SYT4: variants seen among roughly 807,000 people sequenced by gnomAD.
The protein encoded by SYT4 is synaptotagmin-4.
A neutral mutation model predicts 32.9 loss-of-function variants in SYT4; 7 were observed. The ratio of observed to expected loss-of-function variants is 0.21; its 90% CI spans 0.12 to 0.40. The LOEUF is 0.40. Among genes scored for constraint, SYT4 ranks in the 10% least tolerant of loss-of-function variants. The probability of loss-of-function intolerance (pLI) is 1.00; values close to 1 mark genes in which losing one functional copy is unlikely to be tolerated. For synonymous variants in SYT4, 205 were observed against 186.2 expected, an observed-to-expected ratio of 1.10 and a Z score of -0.82; for missense variants, 480 against 488.0, an observed-to-expected ratio of 0.98 and a Z score of 0.16.
rs1008007587 is a variant in SYT4, at chr18:43,270,609, C to G, written c.1010G>C (p.Arg337Thr). Reference sequence around the variant, plus strand: ...CACATGAGTCTTCTTCTTGGAGATTCTCTTTTTGGCATGGTACAGGTTCAC... The same window carrying G: ...CACATGAGTCTTCTTCTTGGAGATTGTCTTTTTGGCATGGTACAGGTTCAC... ...VKVNLYHAKKRISKKKTHVKK... is the reference protein window; with the variant it reads ...VKVNLYHAKKTISKKKTHVKK... Residue 337 changes from arginine to threonine, a missense_variant, in exon 4 of 4, where the codon AGA becomes ACA. Transcript: ENST00000255224. 13 of 1,613,992 alleles carry G rather than the reference C, an allele frequency of 8.1e-6. No individual in the cohort carries two copies. The highest frequency in any genetic ancestry group is 1.1e-5 in the Non-Finnish European group (13 of 1,179,942).
Position 43,270,378 on chromosome 18 carries a change from C to T in SYT4, c.1241G>A (p.Arg414Lys). ...GAGCACGTGCCACTTGGCAATTTGT[C>T]TCCTGGGGTAGTCACAGATCTCTTT... The part of the protein sequence containing the change: ...HWKEICDYPR[R>K]QIAKWHVLCD... Residue 414 changes from arginine (R) to lysine (K), a missense_variant, in exon 4 of 4, where the codon AGA (arginine) becomes AAA (lysine). Arg to Lys is a conservative substitution (Grantham distance 26). Transcript: ENST00000255224. 6.2e-7 allele frequency: 1 copy of T among 1,614,106 alleles called. No individual in the cohort carries two copies. Among genetic ancestry groups the T allele is most frequent in the South Asian group, 1.1e-5 (1 of 91,082 alleles).
rs1342318440 is a variant in SYT4, at chr18:43,270,177, A to G, written c.*164T>C. On this transcript the variant is annotated 3_prime_UTR_variant, in exon 4 of 4. Coordinates refer to ENST00000255224, the MANE Select transcript of SYT4 (RefSeq NM_020783.4). ...ATAAATAGGGAAATTATCATAATAC[A>G]CATTTGAAGTTACTTTCTGGTCTAC... is the stretch of plus-strand genomic sequence containing the variant. 1.4e-6 allele frequency: 1 copy of G among 708,404 alleles called. No individual in the cohort carries two copies. Among genetic ancestry groups the G allele is most frequent in the Non-Finnish European group, 2.4e-6 (1 of 418,708 alleles). The allele number at this position is 708,404 out of a possible 1,614,324, so 43.9% of individuals were successfully genotyped here.
Position 43,277,316 on chromosome 18 carries a change from G to A in SYT4, c.-35C>T, listed in dbSNP as rs561612997. The A allele has an allele frequency of 6.2e-7, 1 of 1,613,830 alleles. No individual in the cohort carries two copies. On this transcript the variant is annotated 5_prime_UTR_variant, in exon 1 of 4. Transcript: ENST00000255224. ...CGTGTTCTGTCCGAGGTGCTGAAGG[G>A]AAAACTGCCTGGCTGGATTCACTTG...
intron 1 of SYT4, among the ~76,000 whole-genome samples, chr18:43,276,478 T>C (rs182430333): frequency 6.6e-6 from 1 of 152,330 alleles, no homozygotes; most frequent in East Asian, 1.9e-4. Flanking sequence ...TAGTACTTTT[T>C]TACTCTATGA....
chr18:43,273,698 C>T lies in SYT4; in HGVS notation c.731G>A (p.Ser244Asn). The change falls in exon 2 of 4, where the codon AGT becomes AAT. Residue 244 changes from serine to asparagine, a missense_variant. Coordinates refer to ENST00000255224, the MANE Select transcript of SYT4 (RefSeq NM_020783.4). ...QELALHFTIL[S>N]FDRFSRDDII... ...ATCATCTCTTGAAAACCTGTCAAAACTCAAAATTGTGAAGTGCAAGGCCAA... is the reference window on the plus strand; with the variant it reads ...ATCATCTCTTGAAAACCTGTCAAAATTCAAAATTGTGAAGTGCAAGGCCAA... The T allele has an allele frequency of 6.2e-7, 1 of 1,613,958 alleles. No individual in the cohort carries two copies. The highest frequency in any genetic ancestry group is 8.5e-7 in the Non-Finnish European group (1 of 1,179,910).
intron 1 of SYT4, among the ~76,000 whole-genome samples, chr18:43,274,950 G>A (rs1182646285): frequency 2.6e-5 from 4 of 152,012 alleles, no homozygotes; most frequent in South Asian, 4.1e-4. Flanking sequence ...TGGAACAGTG[G>A]TAAAAGAAAT....
rs116728792 is a variant in SYT4 at position 43,277,426 on chromosome 18, A to G, written c.-145T>C. 1.5e-3 allele frequency: 1,296 copies of G among 880,332 alleles called. 15 individuals are homozygous for G. The African/African-American group carries it at 0.019, about 13-fold the overall frequency. 54.5% of individuals were successfully genotyped at this position (880,332 alleles called of 1,614,324 possible). On this transcript the variant is annotated 5_prime_UTR_variant, in exon 1 of 4. Transcript: ENST00000255224. ...CCAGCTCCTGGAACAGGGAGGAGGC[A>G]AAGAGGGAGGTCCACTCGCCCTCGC...
In SYT4 at chr18:43,273,835, G is replaced by C; in HGVS notation, c.594C>G (p.Ile198Met). The C allele has an allele frequency of 6.2e-7, 1 of 1,614,042 alleles. No individual in the cohort carries two copies. Among genetic ancestry groups the C allele is most frequent in the Non-Finnish European group, 8.5e-7 (1 of 1,179,948 alleles). ...MTSDPYIKMT[I>M]LPEKKHKVKT... is the part of the protein sequence containing the mutation. ...TCACTTTATGCTTCTTCTCTGGGAG[G>C]ATCGTCATTTTGATATATGGGTCAG... The change falls in exon 2 of 4, where the codon ATC (isoleucine) becomes ATG (methionine). Residue 198 changes from isoleucine (I) to methionine (M), a missense_variant. Coordinates refer to ENST00000255224, the MANE Select transcript of SYT4 (RefSeq NM_020783.4).
intron 1 of SYT4, among the ~76,000 whole-genome samples, chr18:43,275,149 C>T (rs1908754653): frequency 6.6e-6 from 1 of 152,066 alleles, no homozygotes; most frequent in Admixed American, 6.6e-5. Flanking sequence ...AGTGAATCAG[C>T]ATTCTTTAAC....
chr18:43,276,090 A>G (rs1439764735), intron 1 of SYT4, among the ~76,000 whole-genome samples: 3 of 152,224 alleles, frequency 2.0e-5, no homozygotes, highest in African/African-American at 7.2e-5. Flanking sequence ...TCCATATTAG[A>G]AAATCATTCA....
At position 43,271,700 on chromosome 18, in the gene SYT4, A is replaced by G. The variant is rs770791573; in HGVS notation, c.970+12T>C. The G allele has an allele frequency of 2.5e-6, 4 of 1,612,138 alleles. No individual in the cohort carries two copies. Among genetic ancestry groups the G allele is most frequent in the Non-Finnish European group, 3.4e-6 (4 of 1,178,720 alleles). ...CATACAGTGAATCTGAATATTTCAG[A>G]AGCATTCTTACCTGAAAGTCCGGAC... On this transcript the variant is annotated intron_variant, in intron 3 of 3. Transcript: ENST00000255224.
chr18:43,277,414 C>T lies in SYT4; in HGVS notation c.-133G>A, dbSNP rs754884808. 128 of 1,028,042 alleles carry T rather than the reference C, an allele frequency of 1.2e-4. No individual in the cohort carries two copies. Among genetic ancestry groups the T allele is most frequent in the Non-Finnish European group, 1.8e-4 (122 of 678,290 alleles). The allele number at this position is 1,028,042 out of a possible 1,614,324, so 63.7% of individuals were successfully genotyped here. ...GAGCCCAGGGCACCAGCTCCTGGAACAGGGAGGAGGCAAAGAGGGAGGTCC... is the reference window on the plus strand; with the variant it reads ...GAGCCCAGGGCACCAGCTCCTGGAATAGGGAGGAGGCAAAGAGGGAGGTCC... On this transcript the variant is annotated 5_prime_UTR_variant, in exon 1 of 4. Coordinates refer to ENST00000255224, the MANE Select transcript of SYT4 (RefSeq NM_020783.4).
In SYT4 at chr18:43,269,833, A is replaced by T. The variant is rs1908569995; in HGVS notation, c.*508T>A. 1 of 155,820 alleles carries T rather than the reference A, an allele frequency of 6.4e-6. No individual in the cohort carries two copies. The highest frequency in any genetic ancestry group is 2.0e-4 in the South Asian group (1 of 5,032). The allele number at this position is 155,820 out of a possible 1,614,324, so 9.7% of individuals were successfully genotyped here. A position where few individuals can be genotyped will look rare whatever the true frequency, so the allele number is the denominator to read the frequency against. On this transcript the variant is annotated 3_prime_UTR_variant, in exon 4 of 4. Coordinates refer to ENST00000255224, the MANE Select transcript of SYT4 (RefSeq NM_020783.4). ...CAAACTGAAATGACCAGATACTTTTATATGCAGGACAACCATTTGCACATG... is the reference window on the plus strand; with the variant it reads ...CAAACTGAAATGACCAGATACTTTTTTATGCAGGACAACCATTTGCACATG...
At chr18:43,275,143 A>C (rs1908754442) in intron 1 of SYT4, among the ~76,000 whole-genome samples, 1 of 152,184 alleles carries the variant, frequency 6.6e-6, no homozygotes, top group African/African-American at 2.4e-5. Context: ...GTTATAAGTG[A>C]ATCAGCATTC....
chr18:43,273,058 A>G (rs569821975), intron 2 of SYT4, among the ~76,000 whole-genome samples: 2 of 152,130 alleles, frequency 1.3e-5, no homozygotes, highest in Non-Finnish European at 2.9e-5. Context: ...AGCGGGACTC[A>G]TTTCCTACTA....
rs1245511507 is a variant in SYT4 at position 43,277,358 on chromosome 18, C to T, written c.-77G>A. 2 of 1,588,216 alleles carry T rather than the reference C, an allele frequency of 1.3e-6. No individual in the cohort carries two copies. Among genetic ancestry groups the T allele is most frequent in the Non-Finnish European group, 1.7e-6 (2 of 1,157,610 alleles). On this transcript the variant is annotated 5_prime_UTR_variant, in exon 1 of 4. Transcript: ENST00000255224. ...ATTCACTTGCCTGGATCTCAAGCGCCGGCTTTCGGAGCGCTGAAAACAACA... is the reference window on the plus strand; with the variant it reads ...ATTCACTTGCCTGGATCTCAAGCGCTGGCTTTCGGAGCGCTGAAAACAACA...
rs896122126 is a variant in SYT4, at chr18:43,277,386, G to A, written c.-105C>T. On this transcript the variant is annotated 5_prime_UTR_variant, in exon 1 of 4. Transcript: ENST00000255224. ...CTTTCGGAGCGCTGAAAACAACAGC[G>A]CAGAGCCCAGGGCACCAGCTCCTGG... The A allele has an allele frequency of 8.7e-6, 12 of 1,374,450 alleles. No homozygotes were observed. The highest frequency in any genetic ancestry group is 2.0e-4 in the Middle Eastern group (1 of 5,124). 85.1% of individuals were successfully genotyped at this position (1,374,450 alleles called of 1,614,324 possible).
intron 2 of SYT4, among the ~76,000 whole-genome samples, chr18:43,273,166 G>C (rs1050533080): frequency 7.9e-5 from 12 of 151,934 alleles, no homozygotes; most frequent in Admixed American, 6.6e-5. Flanking sequence ...CAAATCTTCA[G>C]GAAGAATTGA....
chr18:43,273,321 T>G lies in SYT4; in HGVS notation c.849+259A>C, dbSNP rs546711451. Among the ~76,000 whole-genome samples, 15 of 152,250 alleles carry G rather than the reference T, an allele frequency of 9.9e-5. No homozygotes were observed. In the East Asian group the frequency reaches 2.9e-3, roughly 29 times the overall value. On this transcript the variant is annotated intron_variant, in intron 2 of 3. Transcript: ENST00000255224. ...TTATGATAGAGATTAACAAAAGTAT[T>G]TATATAGGTGATATCTAAATATCCA...
Sources: gnomAD v4.1 joint callset for allele counts (sites outside exome capture counted in the v4.1 genomes callset) on GRCh38, gnomAD v4.1.1 for gene constraint, MANE v1.5 for transcripts, NCBI Gene and HGNC (gene_info 2026-07-23, HGNC 2026-07-21) for gene names.